The following TPRX1 variants were observed in gnomAD, a reference collection of about 807,000 sequenced individuals.
TPRX1 encodes tetrapeptide repeat homeobox 1, also known as tetra-peptide repeat homeobox protein 1.
Under a neutral mutation model 8.1 loss-of-function variants are expected in TPRX1, and 2 were observed. That is an observed-to-expected ratio of 0.25 (90% confidence interval 0.10 to 0.78). TPRX1 has a LOEUF of 0.78. Ranked by LOEUF, TPRX1 falls within the 30% of genes least tolerant of loss-of-function variation. TPRX1 has a pLI of 0.70. For missense variants in TPRX1, 517 were observed against 586.9 expected, an observed-to-expected ratio of 0.88 and a Z score of 1.23; for synonymous variants, 257 against 254.1, an observed-to-expected ratio of 1.01 and a Z score of -0.11.
exon 4 of TPRX1, chr19:47,802,340 G>A (rs1967678092): frequency 8.4e-7 from 1 of 1,192,944 alleles, no homozygotes; most frequent in South Asian, 1.4e-5. Flanking sequence ...GATTGGGCCT[G>A]GGATCGGGCC....
chr19:47,808,327 C>A (rs1830161855), intron 2 of TPRX1, among the ~76,000 whole-genome samples: 1 of 152,030 alleles, frequency 6.6e-6, no homozygotes, highest in South Asian at 2.1e-4. Flanking sequence ...GTTGTCCAGG[C>A]TGGTCTTGAA....
chr19:47,810,997 T>G (rs1967777879), intron 2 of TPRX1, among the ~76,000 whole-genome samples: 1 of 150,890 alleles, frequency 6.6e-6, no homozygotes, highest in Non-Finnish European at 1.5e-5. Context: ...CTCTCTGTTT[T>G]TTTTTTTTTT....
rs190300469 is a variant in TPRX1 at position 47,801,957 on chromosome 19, G to A, written c.1345C>T (p.His449Tyr). Residue 449 changes from histidine (H) to tyrosine (Y), a missense_variant, in exon 4 of 4, where the codon CAC (histidine) becomes TAC (tyrosine). Physicochemically the swap from His to Tyr is moderately conservative, Grantham distance 83. Transcript: ENST00000535759. ...AGGGGTAGGAGCAGCTCTGTGAAGT[G>A]AGGGAATAACTGGGTGTCTGGCAAG... is the stretch of plus-strand genomic sequence containing the variant. 35 of 1,614,162 alleles carry A rather than the reference G, an allele frequency of 2.2e-5. No individual in the cohort carries two copies. The East Asian group carries it at 5.1e-4, about 24-fold the overall frequency.
chr19:47,815,121 T>TATATATGCAAATATATATATATATGCAA (rs1555800004), intron 2 of TPRX1, among the ~76,000 whole-genome samples: 3 of 90,252 alleles, frequency 3.3e-5, no homozygotes, highest in African/African-American at 4.8e-5. Flanking sequence ...AAATTATATA[T>TATATATGCAAATATATATATATATGCAA]ATATATATAT....
At chr19:47,813,427 G>A (rs1568616820) in intron 2 of TPRX1, among the ~76,000 whole-genome samples, 1 of 152,138 alleles carries the variant, frequency 6.6e-6, no homozygotes, top group South Asian at 2.1e-4. Flanking sequence ...AGTAACTCTG[G>A]ATGAGGGAAT....
intron 2 of TPRX1, among the ~76,000 whole-genome samples, chr19:47,810,399 A>C (rs1371734417): frequency 9.6e-6 from 1 of 104,500 alleles, no homozygotes; most frequent in Non-Finnish European, 1.8e-5. Context: ...CCCAGGCTGG[A>C]GTGCAGTGGC....
intron 2 of TPRX1, among the ~76,000 whole-genome samples, chr19:47,811,539 C>T (rs1967782819): frequency 1.4e-5 from 2 of 145,984 alleles, no homozygotes; most frequent in African/African-American, 5.1e-5. Context: ...CACTCTGTTG[C>T]CCCGGCTAGA....
At chr19:47,813,618 C>T (rs982973869) in intron 2 of TPRX1, among the ~76,000 whole-genome samples, 1 of 152,020 alleles carries the variant, frequency 6.6e-6, no homozygotes, top group Non-Finnish European at 1.5e-5. Flanking sequence ...CCTCTGTCTC[C>T]CCCTTTCTCT....
At chr19:47,802,417 T>C (rs78381908) in exon 4 of TPRX1, 106,161 of 1,345,902 alleles carry the variant, frequency 0.079, 4,696 homozygotes, top group East Asian at 0.2. Context: ...GGACTGAGAT[T>C]GGGCCTGGGA....
exon 4 of TPRX1, chr19:47,802,381 T>C (rs780352488): frequency 7.0e-5 from 97 of 1,383,492 alleles, no homozygotes; most frequent in East Asian, 4.1e-4. Context: ...GGCCTGAGAT[T>C]GGGCCTGGGA....
At chr19:47,815,135 TATATATATGCAA>T (rs1252241783) in intron 2 of TPRX1, among the ~76,000 whole-genome samples, 5 of 114,102 alleles carry the variant, frequency 4.4e-5, no homozygotes, top group African/African-American at 1.7e-4. Context: ...TATATATATA[TATATATATGCAA>T]ATATATATAT....
At chr19:47,808,177 C>T (rs926663836) in intron 2 of TPRX1, among the ~76,000 whole-genome samples, 5 of 151,994 alleles carry the variant, frequency 3.3e-5, no homozygotes, top group South Asian at 2.1e-4. Context: ...TGCAATGGCG[C>T]GATCTCAGCT....
chr19:47,809,562 T>C (rs1468120381), intron 2 of TPRX1, among the ~76,000 whole-genome samples: 1 of 152,148 alleles, frequency 6.6e-6, no homozygotes, highest in Admixed American at 6.6e-5. Flanking sequence ...AGATTACGGG[T>C]GTGAGCACAA....
chr19:47,818,754 T>C (rs1411678364), intron 1 of TPRX1, among the ~76,000 whole-genome samples: 1 of 152,134 alleles, frequency 6.6e-6, no homozygotes, highest in East Asian at 1.9e-4. Context: ...ACTTTTTTTG[T>C]TTATTATACT....
At chr19:47,802,249 T>C (rs368906904) in exon 4 of TPRX1, 131 of 1,595,906 alleles carry the variant, frequency 8.2e-5, no homozygotes, top group African/African-American at 7.9e-4. Context: ...GGCCTGGGAT[T>C]GGGCCTGGGA....
intron 2 of TPRX1, among the ~76,000 whole-genome samples, chr19:47,810,009 C>T (rs1316725419): frequency 6.6e-6 from 1 of 152,012 alleles, no homozygotes; most frequent in Non-Finnish European, 1.5e-5. Flanking sequence ...AATCCCAGCA[C>T]TTTGGGAGGC....
chr19:47,808,190 C>G (rs1056606900), intron 2 of TPRX1, among the ~76,000 whole-genome samples: 13 of 152,162 alleles, frequency 8.5e-5, no homozygotes, highest in Admixed American at 6.6e-5. Context: ...TCTCAGCTCA[C>G]TGCAACCTCC....
chr19:47,815,223 C>T (rs537364838), intron 2 of TPRX1, among the ~76,000 whole-genome samples: 2 of 112,520 alleles, frequency 1.8e-5, no homozygotes, highest in African/African-American at 3.5e-5. Flanking sequence ...GGTGTGAGTT[C>T]GGCTCACTGC....
chr19:47,818,392 A>ATCCC lies in TPRX1; in HGVS notation c.151+75_151+76insGGGA, dbSNP rs1366730767. 87 of 413,522 alleles carry ATCCC rather than the reference A, an allele frequency of 2.1e-4. 3 individuals carry two copies. The highest frequency in any genetic ancestry group is 2.8e-4 in the Non-Finnish European group (57 of 206,674). The allele number at this position is 413,522 out of a possible 1,614,324, so 25.6% of individuals were successfully genotyped here. A position where few individuals can be genotyped will look rare whatever the true frequency, so the allele number is the denominator to read the frequency against. On this transcript the variant is annotated intron_variant, in intron 2 of 3. Coordinates refer to ENST00000535759, the Ensembl canonical transcript of TPRX1. ...TCATCCATCACCCATCCATCCCTCC[A>ATCCC]TCCATCCATCCATCCATCCATCCCT...
Sources: gnomAD v4.1 joint callset for allele counts (sites outside exome capture counted in the v4.1 genomes callset) on GRCh38, gnomAD v4.1.1 for gene constraint, MANE v1.5 for transcripts, NCBI Gene and HGNC (gene_info 2026-07-23, HGNC 2026-07-21) for gene names.